JAZF1: variants seen among roughly 807,000 people sequenced by gnomAD.
The protein encoded by JAZF1 is JAZF zinc finger 1.
In JAZF1, 8 loss-of-function variants were observed where a neutral mutation model predicts 26.4. That is an observed-to-expected ratio of 0.30 (90% CI 0.18 to 0.55). JAZF1 has a LOEUF of 0.55. Among genes scored for constraint, JAZF1 ranks in the 20% least tolerant of loss-of-function variants. The pLI is 0.94. For synonymous variants in JAZF1, 126 were observed against 122.3 expected, an observed-to-expected ratio of 1.03 and a Z score of -0.20; for missense variants, 199 against 322.0, an observed-to-expected ratio of 0.62 and a Z score of 2.92.
intron 1 of JAZF1, among the ~76,000 whole-genome samples, chr7:28,079,102 G>A (rs976783557): frequency 1.3e-5 from 2 of 151,266 alleles, no homozygotes; most frequent in African/African-American, 2.4e-5. Context: ...CAATTCTCCC[G>A]CCTCAGCCTC....
intron 1 of JAZF1, among the ~76,000 whole-genome samples, chr7:27,996,726 T>A (rs1266705850): frequency 6.6e-6 from 1 of 152,186 alleles, no homozygotes; most frequent in African/African-American, 2.4e-5. Context: ...AGCACTGCAA[T>A]TATGCCCCTG....
chr7:27,964,736 A>G (rs943985658), intron 2 of JAZF1, among the ~76,000 whole-genome samples: 7 of 151,856 alleles, frequency 4.6e-5, no homozygotes, highest in African/African-American at 9.7e-5. Flanking sequence ...AAGAACCAAC[A>G]TATTTTGGTA....
intron 2 of JAZF1, among the ~76,000 whole-genome samples, chr7:27,900,966 T>G (rs1784153254): frequency 6.6e-6 from 1 of 151,280 alleles, no homozygotes; most frequent in African/African-American, 2.4e-5. Flanking sequence ...ATGTTTCCTG[T>G]GTAAAAACTT....
intron 1 of JAZF1, among the ~76,000 whole-genome samples, chr7:28,179,410 T>C (rs1440753214): frequency 6.6e-6 from 1 of 152,146 alleles, no homozygotes; most frequent in Non-Finnish European, 1.5e-5. Context: ...GCAGCCACCC[T>C]GCGGGGCGCC....
At chr7:28,179,917 C>A (rs1783611393) in intron 1 of JAZF1, among the ~76,000 whole-genome samples, 1 of 145,842 alleles carries the variant, frequency 6.9e-6, no homozygotes, top group Admixed American at 6.8e-5. Context: ...CCACCCCCGC[C>A]CCCCCGCTCC....
chr7:28,079,573 A>G (rs1784103889), intron 1 of JAZF1, among the ~76,000 whole-genome samples: 1 of 152,218 alleles, frequency 6.6e-6, no homozygotes, highest in South Asian at 2.1e-4. Flanking sequence ...ATGACCTGAG[A>G]GTTTACCCAT....
intron 3 of JAZF1, chr7:27,846,383 GTATA>G (rs1783031399): frequency 3.2e-5 from 8 of 250,516 alleles, no homozygotes; most frequent in Non-Finnish European, 6.3e-5. Flanking sequence ...GTACATGTAC[GTATA>G]TATACATATA....
At chr7:27,868,007 T>C (rs1055030482) in intron 3 of JAZF1, among the ~76,000 whole-genome samples, 4 of 152,216 alleles carry the variant, frequency 2.6e-5, no homozygotes, top group African/African-American at 9.7e-5. Flanking sequence ...CATGTTGGTT[T>C]CTTCATGGAC....
intron 3 of JAZF1, among the ~76,000 whole-genome samples, chr7:27,891,010 G>A (rs1365900007): frequency 2.0e-5 from 3 of 151,638 alleles, no homozygotes; most frequent in Non-Finnish European, 4.4e-5. Context: ...GGCTCATCTC[G>A]AACTCCTGAC....
At chr7:27,938,805 ATTT>A (rs10661523) in intron 2 of JAZF1, among the ~76,000 whole-genome samples, 4 of 138,238 alleles carry the variant, frequency 2.9e-5, no homozygotes, top group Non-Finnish European at 1.6e-5. Flanking sequence ...CTGAATAGCT[ATTT>A]TTTTTTTTTT....
At chr7:28,068,041 G>A (rs1204280902) in intron 1 of JAZF1, among the ~76,000 whole-genome samples, 1 of 152,108 alleles carries the variant, frequency 6.6e-6, no homozygotes, top group East Asian at 1.9e-4. Context: ...GGCCTCCGGA[G>A]TAGCTGGGAT....
At chr7:28,147,411 C>T (rs949544105) in intron 1 of JAZF1, among the ~76,000 whole-genome samples, 2 of 151,914 alleles carry the variant, frequency 1.3e-5, no homozygotes, top group Non-Finnish European at 2.9e-5. Context: ...AATAAGTATC[C>T]AAGTACTCAC....
intron 1 of JAZF1, among the ~76,000 whole-genome samples, chr7:28,170,337 A>ATGTGTGTGTGTGTGTGTGTGTGTGTGTG (rs61200785): frequency 6.1e-5 from 6 of 98,480 alleles, no homozygotes; most frequent in Non-Finnish European, 1.2e-4. Flanking sequence ...AGAAGTTGAT[A>ATGTGTGTGTGTGTGTGTGTGTGTGTGTG]TGTGTGTGTG....
chr7:27,911,536 C>A (rs1784360469), intron 2 of JAZF1, among the ~76,000 whole-genome samples: 1 of 152,000 alleles, frequency 6.6e-6, no homozygotes, highest in Admixed American at 6.5e-5. Flanking sequence ...GCTAGTACAG[C>A]CAAGGAATGA....
chr7:28,043,940 T>C (rs977686863), intron 1 of JAZF1, among the ~76,000 whole-genome samples: 4 of 151,988 alleles, frequency 2.6e-5, no homozygotes, highest in African/African-American at 9.7e-5. Context: ...AGCAGATCCA[T>C]AGAGGCAGAA....
At chr7:27,855,403 A>T (rs1011766759) in intron 3 of JAZF1, among the ~76,000 whole-genome samples, 24 of 152,134 alleles carry the variant, frequency 1.6e-4, no homozygotes, top group African/African-American at 5.6e-4. Flanking sequence ...AGACACAAAA[A>T]ACCCTTCAAA....
chr7:27,982,832 T>C (rs1302987783), intron 2 of JAZF1, among the ~76,000 whole-genome samples: 4 of 152,102 alleles, frequency 2.6e-5, no homozygotes, highest in East Asian at 1.9e-4. Context: ...GCAAACAGGG[T>C]CTGGAGAGGA....
chr7:27,852,130 C>CTTTTTTTTT (rs113021262), intron 3 of JAZF1, among the ~76,000 whole-genome samples: 2 of 125,256 alleles, frequency 1.6e-5, no homozygotes. Flanking sequence ...ATAAACAGGA[C>CTTTTTTTTT]TTTTTTTTTT....
intron 2 of JAZF1, among the ~76,000 whole-genome samples, chr7:27,939,510 C>CTG (rs1784811313): frequency 6.6e-6 from 1 of 152,210 alleles, no homozygotes; most frequent in Non-Finnish European, 1.5e-5. Flanking sequence ...AGGGGATGAG[C>CTG]TGTGTGTCCC....
Sources: gnomAD v4.1 joint callset for allele counts (sites outside exome capture counted in the v4.1 genomes callset) on GRCh38, gnomAD v4.1.1 for gene constraint, MANE v1.5 for transcripts, NCBI Gene and HGNC (gene_info 2026-07-23, HGNC 2026-07-21) for gene names.